Variants in ST7 observed in about 807,000 individuals in gnomAD.
ST7 encodes the protein suppressor of tumorigenicity 7 protein.
Under a neutral mutation model 78.7 loss-of-function variants are expected in ST7, and 28 were observed. The ratio of observed to expected loss-of-function variants is 0.36; its 90% CI spans 0.26 to 0.49. ST7 has a LOEUF of 0.49. Among genes scored for constraint, ST7 ranks in the 20% least tolerant of loss-of-function variants. The pLI is 0.99. For missense variants in ST7, 418 were observed against 696.0 expected, an observed-to-expected ratio of 0.60 and a Z score of 4.49; for synonymous variants, 247 against 249.6, an observed-to-expected ratio of 0.99 and a Z score of 0.10.
At chr7:116,957,908 C>T (rs1246737949) in intron 1 of ST7, among the ~76,000 whole-genome samples, 1 of 152,178 alleles carries the variant, frequency 6.6e-6, no homozygotes, top group Non-Finnish European at 1.5e-5. Flanking sequence ...TGCTGAAAAG[C>T]AAGTTTTCAA....
At chr7:117,071,854 G>A (rs1798982193) in intron 1 of ST7, among the ~76,000 whole-genome samples, 1 of 152,222 alleles carries the variant, frequency 6.6e-6, no homozygotes, top group East Asian at 1.9e-4. Flanking sequence ...TGCCTTGGCA[G>A]CAATTTATTT....
intron 13 of ST7, among the ~76,000 whole-genome samples, chr7:117,217,157 T>C (rs1473071761): frequency 2.0e-5 from 3 of 152,188 alleles, no homozygotes; most frequent in Non-Finnish European, 2.9e-5. Flanking sequence ...GACTTCAATT[T>C]TGAATAAAAT....
chr7:117,209,157 T>C (rs1466777737), intron 12 of ST7, among the ~76,000 whole-genome samples: 1 of 152,122 alleles, frequency 6.6e-6, no homozygotes, highest in Non-Finnish European at 1.5e-5. Flanking sequence ...TGAAGAGGTG[T>C]ACGCTGAGAC....
At chr7:117,064,372 A>G (rs1798521368) in intron 1 of ST7, among the ~76,000 whole-genome samples, 1 of 152,336 alleles carries the variant, frequency 6.6e-6, no homozygotes, top group African/African-American at 2.4e-5. Flanking sequence ...TGCTTCTGTC[A>G]GGGGCTTCCA....
intron 12 of ST7, among the ~76,000 whole-genome samples, chr7:117,207,720 A>G (rs1791908654): frequency 1.3e-5 from 2 of 152,234 alleles, no homozygotes; most frequent in Non-Finnish European, 2.9e-5. Context: ...TTTTATAAAC[A>G]TGATCCTTCT....
At chr7:117,170,613 G>A (rs1807916224) in intron 9 of ST7, among the ~76,000 whole-genome samples, 1 of 152,036 alleles carries the variant, frequency 6.6e-6, no homozygotes, top group South Asian at 2.1e-4. Flanking sequence ...CCCAGGAGGT[G>A]GAGGTTGCAG....
chr7:117,173,791 C>A (rs1349369322), intron 10 of ST7, among the ~76,000 whole-genome samples: 1 of 152,092 alleles, frequency 6.6e-6, no homozygotes, highest in Non-Finnish European at 1.5e-5. Flanking sequence ...TTGGGTACAG[C>A]AATCCTTCTT....
chr7:117,074,738 A>G (rs1563060617), intron 1 of ST7: 2 of 152,186 alleles, frequency 1.3e-5, no homozygotes. Context: ...AGCACTCCAC[A>G]ACATAAACAA....
intron 1 of ST7, among the ~76,000 whole-genome samples, chr7:116,983,480 C>A (rs1003664726): frequency 2.0e-5 from 3 of 152,154 alleles, no homozygotes; most frequent in African/African-American, 7.2e-5. Flanking sequence ...TCCTCAGAGG[C>A]CTTGCTCAGT....
At chr7:117,085,339 A>T (rs375921918) in intron 1 of ST7, among the ~76,000 whole-genome samples, 1 of 152,056 alleles carries the variant, frequency 6.6e-6, no homozygotes. Context: ...TTTGCCTGTG[A>T]TGAAGCTGAG....
At chr7:117,061,027 T>C (rs1325953012) in intron 1 of ST7, among the ~76,000 whole-genome samples, 2 of 152,102 alleles carry the variant, frequency 1.3e-5, no homozygotes, top group African/African-American at 4.8e-5. Context: ...AATATAATAT[T>C]GCCTTTCCCA....
chr7:117,106,616 C>CTTTTTTT (rs758855564), intron 2 of ST7, among the ~76,000 whole-genome samples: 27 of 107,716 alleles, frequency 2.5e-4, no homozygotes, highest in Non-Finnish European at 4.5e-4. Context: ...TTGTATCATT[C>CTTTTTTT]TTTTTTTTTT....
intron 1 of ST7, among the ~76,000 whole-genome samples, chr7:117,063,701 C>T (rs189116975): frequency 6.6e-6 from 1 of 152,084 alleles, no homozygotes; most frequent in African/African-American, 2.4e-5. Flanking sequence ...ATAGCAAGAC[C>T]CGGTCTCAAA....
chr7:116,976,775 C>T (rs150737196), intron 1 of ST7, among the ~76,000 whole-genome samples: 74 of 152,340 alleles, frequency 4.9e-4, no homozygotes, highest in Admixed American at 3.6e-3. Flanking sequence ...CAGTTTACCA[C>T]ATGGTTGTAC....
At chr7:117,199,295 T>C (rs568241556) in intron 12 of ST7, among the ~76,000 whole-genome samples, 2 of 152,206 alleles carry the variant, frequency 1.3e-5, no homozygotes, top group East Asian at 3.9e-4. Context: ...TGGTTTTTTG[T>C]CTCCCAGCCT....
chr7:116,963,871 T>C (rs1585050081), intron 1 of ST7, among the ~76,000 whole-genome samples: 1 of 152,110 alleles, frequency 6.6e-6, no homozygotes, highest in South Asian at 2.1e-4. Flanking sequence ...GACTTCGTGA[T>C]CCGCCCGCCT....
At chr7:116,965,948 GT>G (rs1793088401) in intron 1 of ST7, 1 of 270,718 alleles carries the variant, frequency 3.7e-6, no homozygotes, top group Non-Finnish European at 7.9e-6. Flanking sequence ...GGGAAATGTA[GT>G]TGTATAGTAG....
intron 1 of ST7, among the ~76,000 whole-genome samples, chr7:117,039,565 C>A (rs1797096392): frequency 6.6e-6 from 1 of 150,442 alleles, no homozygotes; most frequent in Non-Finnish European, 1.5e-5. Flanking sequence ...CAGAGTGAGA[C>A]CCTGTCTGTA....
chr7:117,026,618 C>T (rs1436321175), intron 1 of ST7, among the ~76,000 whole-genome samples: 4 of 152,190 alleles, frequency 2.6e-5, no homozygotes, highest in Admixed American at 6.5e-5. Context: ...CAACTAATTG[C>T]AGAGACTCTG....
Sources: gnomAD v4.1 joint callset for allele counts (sites outside exome capture counted in the v4.1 genomes callset) on GRCh38, gnomAD v4.1.1 for gene constraint, MANE v1.5 for transcripts, NCBI Gene and HGNC (gene_info 2026-07-23, HGNC 2026-07-21) for gene names.